The following NMT2 variants were observed in gnomAD, a reference collection of about 807,000 sequenced individuals.
The protein encoded by NMT2 is glycylpeptide N-tetradecanoyltransferase 2.
A neutral mutation model predicts 65.4 loss-of-function variants in NMT2; 35 were observed. That is an observed-to-expected ratio of 0.54 (90% CI 0.41 to 0.71). NMT2 has a LOEUF of 0.71. Among genes scored for constraint, NMT2 ranks in the 30% least tolerant of loss-of-function variants. The probability of loss-of-function intolerance (pLI) is 0.00; values close to 1 mark genes in which losing one functional copy is unlikely to be tolerated. For synonymous variants in NMT2, 226 were observed against 231.8 expected (o/e 0.98, Z 0.23); for missense variants, 489 against 611.3 (o/e 0.80, Z 2.11).
At chr10:15,128,657 G>A (rs541974735) in intron 7 of NMT2, among the ~76,000 whole-genome samples, 199 bp from the exon 8 acceptor site, 1 of 152,168 alleles carries the variant, frequency 6.6e-6, no homozygotes, top group African/African-American at 2.4e-5. Flanking sequence ...ATGTTCCTCA[G>A]GAGTTTGTGA....
rs1490388672 is a variant in NMT2, at chr10:15,109,220, AG to A, written c.1477-6del. The A allele has an allele frequency of 6.2e-7, 1 of 1,603,656 alleles. No homozygotes were observed. The highest frequency in any genetic ancestry group is 1.3e-5 in the African/African-American group (1 of 74,278). The stretch of plus-strand genomic sequence containing the variant: ...CTATTGTAGTACTAGTCCAACCTGA[AG>A]GGAGGGAAGAAATGGAATAGTAAGA... On this transcript the variant is annotated splice_region_variant and splice_polypyrimidine_tract_variant and intron_variant, in intron 11 of 11. Transcript: ENST00000378165.
At chr10:15,129,518 A>G (rs1335347858) in intron 7 of NMT2, among the ~76,000 whole-genome samples, 1 of 152,244 alleles carries the variant, frequency 6.6e-6, no homozygotes, top group African/African-American at 2.4e-5. Context: ...ATGGATGCTT[A>G]TTAGACTTTC....
chr10:15,133,018 G>C, intron 5 of NMT2, 35 bp downstream of exon 5: 3 of 1,597,130 alleles, frequency 1.9e-6, no homozygotes, highest in Non-Finnish European at 8.6e-7. Context: ...AGTCAGCAGC[G>C]CCTATCCACG....
Position 15,107,764 on chromosome 10 carries a change from A to G in NMT2, c.*1431T>C, listed in dbSNP as rs192600730. The G allele has an allele frequency of 3.0e-4, 293 of 978,508 alleles. No individual in the cohort carries two copies. The highest frequency in any genetic ancestry group is 1.6e-3 in the Admixed American group (25 of 16,120). 60.6% of individuals were successfully genotyped at this position (978,508 alleles called of 1,614,324 possible). On this transcript the variant is annotated 3_prime_UTR_variant, in exon 12 of 12. Coordinates refer to ENST00000378165, the MANE Select transcript of NMT2 (RefSeq NM_004808.3). ...GCCACCACACCCAGCCAAGGCATCT[A>G]CTTTGTGGTATCTGAGTTGAGGCCA...
chr10:15,124,282 C>T (rs951132440), intron 8 of NMT2, among the ~76,000 whole-genome samples: 1 of 152,200 alleles, frequency 6.6e-6, no homozygotes, highest in African/African-American at 2.4e-5. Context: ...CATCGTAAGG[C>T]GTGTTTCTTG....
chr10:15,122,682 G>A (rs1845964639), intron 8 of NMT2, among the ~76,000 whole-genome samples: 1 of 152,186 alleles, frequency 6.6e-6, no homozygotes, highest in South Asian at 2.1e-4. Context: ...GTCTCCCAAA[G>A]TGCTGGGATT....
intron 1 of NMT2, among the ~76,000 whole-genome samples, chr10:15,152,152 G>A (rs1479208313): frequency 6.6e-6 from 1 of 152,226 alleles, no homozygotes; most frequent in Non-Finnish European, 1.5e-5. Context: ...GAGAGACGGA[G>A]AAAACAATTT....
chr10:15,109,584 A>C (rs1431784152), intron 11 of NMT2, 118 bp downstream of exon 11: 4 of 817,494 alleles, frequency 4.9e-6, no homozygotes, highest in African/African-American at 1.8e-5. Context: ...AAAATAAATA[A>C]ATAAATAAAT....
intron 1 of NMT2, chr10:15,154,704 A>T: frequency 3.9e-6 from 2 of 506,402 alleles, no homozygotes; most frequent in South Asian, 1.8e-5. Context: ...GAGCACAAAG[A>T]TTCTAGGATA....
intron 1 of NMT2, 98 bp from the exon 2 acceptor site, chr10:15,141,655 T>G: frequency 6.4e-4 from 774 of 1,209,480 alleles, no homozygotes; most frequent in Non-Finnish European, 7.7e-4. Context: ...AACACAGCTG[T>G]TACATGCAGT....
At chr10:15,148,938 T>A (rs573415745) in intron 1 of NMT2, among the ~76,000 whole-genome samples, 1 of 152,234 alleles carries the variant, frequency 6.6e-6, no homozygotes, top group Admixed American at 6.5e-5. Context: ...TGGCAAACAT[T>A]TTAAAATCTA....
intron 1 of NMT2, 159 bp downstream of exon 1, chr10:15,168,344 G>A (rs1833446588): frequency 5.2e-6 from 2 of 383,516 alleles, no homozygotes; most frequent in Non-Finnish European, 4.7e-6. Context: ...CGCGAGCCGC[G>A]CGCCCCGGAC....
At chr10:15,112,051 C>T in intron 10 of NMT2, among the ~76,000 whole-genome samples, 1 of 149,136 alleles carries the variant, frequency 6.7e-6, no homozygotes, top group Non-Finnish European at 1.5e-5. Context: ...AATTTCATTC[C>T]TTTAATTTTA....
rs754351559 is a variant in NMT2 at position 15,133,066 on chromosome 10, C to T, written c.589G>A (p.Glu197Lys). Residue 197 changes from glutamate to lysine, a missense_variant, in exon 5 of 12, where the codon GAG becomes AAG. Transcript: ENST00000378165. Reference protein sequence around the residue: ...DNMFRFDYSPEFLLWALRPPG... With the variant: ...DNMFRFDYSPKFLLWALRPPG... Reference sequence around the variant, plus strand: ...GATGAGACTTACCACAACAGGAACTCGGGTGAATAGTCAAATCGGAACATA... The same window carrying T: ...GATGAGACTTACCACAACAGGAACTTGGGTGAATAGTCAAATCGGAACATA... 4.3e-6 allele frequency: 7 copies of T among 1,613,892 alleles called. No homozygotes were observed. In the South Asian group the frequency reaches 5.5e-5, roughly 13 times the overall value.
At chr10:15,114,433 A>C (rs1022409594) in intron 9 of NMT2, among the ~76,000 whole-genome samples, 1 of 152,188 alleles carries the variant, frequency 6.6e-6, no homozygotes, top group African/African-American at 2.4e-5. Flanking sequence ...TCAATTGTAA[A>C]GACTGATAAA....
chr10:15,130,514 C>T (rs1379612207), intron 6 of NMT2, among the ~76,000 whole-genome samples: 1 of 150,930 alleles, frequency 6.6e-6, no homozygotes, highest in African/African-American at 2.5e-5. Flanking sequence ...CCAGACCAGC[C>T]TGGGCAACAC....
Position 15,107,745 on chromosome 10 carries a change from A to C in NMT2, c.*1450T>G. ...GCTGGGATTACAGGCGTGAGCCACC[A>C]CACCCAGCCAAGGCATCTACTTTGT... On this transcript the variant is annotated 3_prime_UTR_variant, in exon 12 of 12. Coordinates refer to ENST00000378165, the MANE Select transcript of NMT2 (RefSeq NM_004808.3). The C allele has an allele frequency of 1.0e-6, 1 of 984,696 alleles. No individual in the cohort carries two copies. The highest frequency in any genetic ancestry group is 1.2e-6 in the Non-Finnish European group (1 of 829,568). 61.0% of individuals were successfully genotyped at this position (984,696 alleles called of 1,614,324 possible). A position where few individuals can be genotyped will look rare whatever the true frequency, so the allele number is the denominator to read the frequency against.
chr10:15,135,192 T>TGTTGTTG (rs1564574009), intron 3 of NMT2, 82 bp downstream of exon 3: 1 of 1,156,726 alleles, frequency 8.6e-7, no homozygotes, highest in African/African-American at 1.6e-5. Context: ...CTCTTTGTGT[T>TGTTGTTG]TTGTTGTTGT....
intron 2 of NMT2, among the ~76,000 whole-genome samples, chr10:15,136,786 C>T (rs1846525138): frequency 6.6e-6 from 1 of 151,522 alleles, no homozygotes; most frequent in Non-Finnish European, 1.5e-5. Flanking sequence ...GTTCCTTTCT[C>T]AAAGCCAATA....
Sources: allele counts gnomAD v4.1 joint callset (sites outside exome capture counted in the v4.1 genomes callset), GRCh38; gene constraint gnomAD v4.1.1; transcripts MANE v1.5; gene names NCBI Gene and HGNC (gene_info 2026-07-23, HGNC 2026-07-21).